The following EXD2 variants were observed in gnomAD, a reference collection of about 807,000 sequenced individuals.
EXD2 encodes the protein exonuclease 3'-5' domain-containing protein 2.
EXD2 carries 40 observed loss-of-function variants against 62.5 expected under a neutral mutation model. The observed-to-expected ratio is 0.64, with a 90% CI of 0.50 to 0.83. EXD2 has a LOEUF of 0.83. Among genes scored for constraint, EXD2 ranks in the 40% least tolerant of loss-of-function variants. The pLI, the probability that EXD2 is intolerant of heterozygous loss-of-function variation, is 0.00. For missense variants in EXD2, 671 were observed against 761.8 expected (o/e 0.88, Z 1.40); for synonymous variants, 239 against 291.9 (o/e 0.82, Z 1.85).
At chr14:69,224,539 G>C (rs1170398298) in intron 3 of EXD2, among the ~76,000 whole-genome samples, 1 of 152,120 alleles carries the variant, frequency 6.6e-6, no homozygotes, top group Non-Finnish European at 1.5e-5. Context: ...CTCTCACCTG[G>C]ACTATTGCAA....
intron 1 of EXD2, among the ~76,000 whole-genome samples, chr14:69,194,729 A>G (rs908887870): frequency 2.6e-5 from 4 of 152,126 alleles, no homozygotes; most frequent in African/African-American, 9.7e-5. Flanking sequence ...CTGGACCAAT[A>G]CCACAACATC....
chr14:69,221,030 C>T (rs2043169433), intron 3 of EXD2, among the ~76,000 whole-genome samples: 1 of 152,100 alleles, frequency 6.6e-6, no homozygotes, highest in Admixed American at 6.5e-5. Context: ...CCATGCCTGG[C>T]TAATCTTTTA....
chr14:69,233,591 C>T (rs1350179102), intron 5 of EXD2, among the ~76,000 whole-genome samples: 1 of 151,684 alleles, frequency 6.6e-6, no homozygotes, highest in Non-Finnish European at 1.5e-5. Flanking sequence ...AGGCGCGTGC[C>T]ACCGCGCCCA....
intron 5 of EXD2, among the ~76,000 whole-genome samples, chr14:69,233,195 G>C (rs2043646529): frequency 6.6e-6 from 1 of 152,100 alleles, no homozygotes; most frequent in Non-Finnish European, 1.5e-5. Context: ...ACATTCTTCT[G>C]TGGGAAACAG....
chr14:69,235,127 AGGGGAGC>A, intron 6 of EXD2, 96 bp downstream of exon 6: 1 of 1,138,898 alleles, frequency 8.8e-7, no homozygotes, highest in Non-Finnish European at 1.2e-6. Context: ...GGCTTGTAGT[AGGGGAGC>A]AGCAGCTCTC....
chr14:69,228,909 T>C lies in EXD2; in HGVS notation c.427T>C (p.Cys143Arg). 6.2e-7 allele frequency: 1 copy of C among 1,614,188 alleles called. No individual in the cohort carries two copies. Residue 143 changes from cysteine (C) to arginine (R), a missense_variant, in exon 4 of 10, where the codon TGT becomes CGT. Cys to Arg is a radical substitution (Grantham distance 180). Coordinates refer to ENST00000685843, the MANE Select transcript of EXD2 (RefSeq NM_001193360.2). ...CVLVRLPKLICGGKTLPRTLL... is the reference protein window; with the variant it reads ...CVLVRLPKLIRGGKTLPRTLL... Reference sequence around the variant, plus strand: ...CTTGGTTCGCCTGCCCAAGCTAATCTGTGGAGGAAAAACACTACCAAGAAC... The same window carrying C: ...CTTGGTTCGCCTGCCCAAGCTAATCCGTGGAGGAAAAACACTACCAAGAAC...
chr14:69,223,556 C>G (rs1348622478), intron 3 of EXD2, among the ~76,000 whole-genome samples: 1 of 152,174 alleles, frequency 6.6e-6, no homozygotes, highest in Non-Finnish European at 1.5e-5. Flanking sequence ...CATGCTATCA[C>G]AAAGAGGTAT....
intron 3 of EXD2, among the ~76,000 whole-genome samples, chr14:69,226,325 T>C (rs1373493579): frequency 6.6e-6 from 1 of 152,184 alleles, no homozygotes; most frequent in East Asian, 1.9e-4. Flanking sequence ...AAATAGACAA[T>C]GAGATCAAAC....
intron 5 of EXD2, among the ~76,000 whole-genome samples, chr14:69,233,185 A>G (rs2043645833): frequency 6.6e-6 from 1 of 152,156 alleles, no homozygotes; most frequent in Admixed American, 6.5e-5. Context: ...ATTCAAGCAC[A>G]CATTCTTCTG....
chr14:69,200,800 G>A (rs1020626760), intron 1 of EXD2, among the ~76,000 whole-genome samples: 10 of 151,918 alleles, frequency 6.6e-5, no homozygotes, highest in South Asian at 2.1e-4. Flanking sequence ...GAGGCCAGGC[G>A]TGGTGGCTCA....
intron 3 of EXD2, among the ~76,000 whole-genome samples, chr14:69,212,699 A>ATTTTCTTTTTT: frequency 1.7e-5 from 1 of 57,322 alleles, no homozygotes; most frequent in Non-Finnish European, 3.0e-5. Flanking sequence ...ATGGTTCTTG[A>ATTTTCTTTTTT]TTTTTTTTTT....
chr14:69,193,642 C>G (rs1447657230), intron 1 of EXD2, among the ~76,000 whole-genome samples: 1 of 152,046 alleles, frequency 6.6e-6, no homozygotes, highest in Non-Finnish European at 1.5e-5. Context: ...CTGCTTATTG[C>G]TTTTTTAAGT....
rs967763514 is a variant in EXD2, at chr14:69,243,254, G to A, written c.*2154G>A. On this transcript the variant is annotated 3_prime_UTR_variant, in exon 10 of 10. Transcript: ENST00000685843. The stretch of plus-strand genomic sequence containing the variant: ...AGGGTAGACTTATTTTATGGCAAAT[G>A]TCTATTTTTCTGATATAAAAGTAAC... The A allele has an allele frequency of 1.3e-5, 2 of 152,160 alleles. No individual in the cohort carries two copies. Among genetic ancestry groups the A allele is most frequent in the African/African-American group, 4.8e-5 (2 of 41,438 alleles). 9.4% of individuals were successfully genotyped at this position (152,160 alleles called of 1,614,324 possible).
chr14:69,214,443 T>TC (rs2042925729), intron 3 of EXD2, among the ~76,000 whole-genome samples: 1 of 152,202 alleles, frequency 6.6e-6, no homozygotes, highest in Non-Finnish European at 1.5e-5. Flanking sequence ...CTTTTACAAT[T>TC]CCCTTTTTCT....
chr14:69,193,512 C>G (rs544684140), intron 1 of EXD2, among the ~76,000 whole-genome samples: 1 of 152,230 alleles, frequency 6.6e-6, no homozygotes, highest in South Asian at 2.1e-4. Context: ...ATTTGTATTT[C>G]CTCTTTTGAG....
At chr14:69,212,592 AC>A (rs1401458099) in intron 3 of EXD2, among the ~76,000 whole-genome samples, 1 of 148,272 alleles carries the variant, frequency 6.7e-6, no homozygotes, top group African/African-American at 2.5e-5. Context: ...ATCATAGTTC[AC>A]TGAACCTCGA....
chr14:69,203,017 A>G (rs1428835632), intron 1 of EXD2, among the ~76,000 whole-genome samples: 1 of 152,196 alleles, frequency 6.6e-6, no homozygotes, highest in Non-Finnish European at 1.5e-5. Context: ...GGGAAGTAAT[A>G]GTATCACTGT....
intron 4 of EXD2, 49 bp from the exon 5 acceptor site, chr14:69,230,423 C>A: frequency 7.4e-7 from 1 of 1,355,498 alleles, no homozygotes; most frequent in South Asian, 1.4e-5. Flanking sequence ...ATTTTCTTGT[C>A]CATGTCCTTT....
chr14:69,233,706 G>A (rs1462938218), intron 5 of EXD2, among the ~76,000 whole-genome samples: 1 of 150,802 alleles, frequency 6.6e-6, no homozygotes, highest in Admixed American at 6.6e-5. Context: ...CTCCCAAAGT[G>A]TTGGGATTAC....
Sources: gnomAD v4.1 joint callset for allele counts (sites outside exome capture counted in the v4.1 genomes callset) on GRCh38, gnomAD v4.1.1 for gene constraint, MANE v1.5 for transcripts, NCBI Gene and HGNC (gene_info 2026-07-23, HGNC 2026-07-21) for gene names.